GABRA1: variants seen among roughly 807,000 people sequenced by gnomAD.
GABRA1 encodes gamma-aminobutyric acid type A receptor subunit alpha1, also known as gamma-aminobutyric acid receptor subunit alpha-1.
A neutral mutation model predicts 48.9 loss-of-function variants in GABRA1; 9 were observed. That is an observed-to-expected ratio of 0.18 (90% CI 0.11 to 0.32). The LOEUF is 0.32. Among genes scored for constraint, GABRA1 ranks in the 10% least tolerant of loss-of-function variants. The pLI is 1.00. For missense variants in GABRA1, 285 were observed against 553.8 expected (o/e 0.51, Z 4.87); for synonymous variants, 210 against 198.7 (o/e 1.06, Z -0.48).
At chr5:161,888,456 C>G (rs573485842) in intron 7 of GABRA1, among the ~76,000 whole-genome samples, 2 of 152,128 alleles carry the variant, frequency 1.3e-5, no homozygotes, top group Admixed American at 1.3e-4. Flanking sequence ...AATATAATGT[C>G]AAATAATAGC....
At chr5:161,887,297 A>G (rs1236925213) in intron 7 of GABRA1, among the ~76,000 whole-genome samples, 5 of 152,146 alleles carry the variant, frequency 3.3e-5, no homozygotes, top group Non-Finnish European at 1.5e-5. Context: ...CAGAAGGGTC[A>G]AGATAATAAG....
At chr5:161,874,714 A>G (rs559281626) in intron 5 of GABRA1, among the ~76,000 whole-genome samples, 160 of 152,290 alleles carry the variant, frequency 1.1e-3, no homozygotes, top group African/African-American at 3.8e-3. Context: ...TGGTATTCTA[A>G]TCATTTAATG....
At chr5:161,882,936 A>C (rs1754679477) in intron 7 of GABRA1, among the ~76,000 whole-genome samples, 1 of 152,136 alleles carries the variant, frequency 6.6e-6, no homozygotes, top group Admixed American at 6.6e-5. Context: ...AACTGGCTAT[A>C]AGTAATTACT....
At chr5:161,848,841 A>G (rs1000270294) in intron 1 of GABRA1, 1 of 375,028 alleles carries the variant, frequency 2.7e-6, no homozygotes, top group East Asian at 9.2e-5. Flanking sequence ...GCCATCATCT[A>G]AAGTTAAGAC....
chr5:161,879,402 G>A (rs985475858), intron 6 of GABRA1, among the ~76,000 whole-genome samples: 11 of 152,130 alleles, frequency 7.2e-5, no homozygotes, highest in South Asian at 2.1e-4. Flanking sequence ...ATAAGCCACC[G>A]TGCCCAGCCA....
intron 3 of GABRA1, among the ~76,000 whole-genome samples, chr5:161,864,246 G>T (rs1031209863): frequency 6.6e-6 from 1 of 151,692 alleles, no homozygotes; most frequent in Non-Finnish European, 1.5e-5. Flanking sequence ...GTACATGTGC[G>T]CATTGTGCAG....
At chr5:161,890,451 A>G (rs948397049) in intron 7 of GABRA1, among the ~76,000 whole-genome samples, 1 of 152,200 alleles carries the variant, frequency 6.6e-6, no homozygotes, top group Middle Eastern at 3.4e-3. Flanking sequence ...CTAAAATTAA[A>G]CTGTCCTGAT....
chr5:161,865,530 A>G (rs954677997), intron 3 of GABRA1, among the ~76,000 whole-genome samples, 191 bp from the exon 4 acceptor site: 1 of 152,144 alleles, frequency 6.6e-6, no homozygotes, highest in African/African-American at 2.4e-5. Context: ...TTTAGGCTTC[A>G]TTCTCCATAG....
At chr5:161,882,239 G>A (rs1476920478) in intron 6 of GABRA1, 2 of 382,024 alleles carry the variant, frequency 5.2e-6, no homozygotes, top group Non-Finnish European at 4.9e-6. Flanking sequence ...TTGCTTATAT[G>A]TTTTTGTCCC....
At chr5:161,870,460 G>A (rs1229721147) in intron 4 of GABRA1, among the ~76,000 whole-genome samples, 1 of 151,754 alleles carries the variant, frequency 6.6e-6, no homozygotes, top group African/African-American at 2.4e-5. Flanking sequence ...TACTCGGGAG[G>A]CTGAGACTGA....
chr5:161,885,290 G>T (rs904782743), intron 7 of GABRA1, among the ~76,000 whole-genome samples: 2 of 152,014 alleles, frequency 1.3e-5, no homozygotes, highest in Admixed American at 6.6e-5. Flanking sequence ...TTTGTGTAAG[G>T]TCTGCAATGC....
chr5:161,892,344 A>G (rs1024791289), intron 8 of GABRA1, among the ~76,000 whole-genome samples: 2 of 152,212 alleles, frequency 1.3e-5, no homozygotes, highest in Non-Finnish European at 2.9e-5. Context: ...ATCATTTTTC[A>G]ATAATATGTA....
chr5:161,875,325 A>G (rs1754299415), intron 5 of GABRA1, among the ~76,000 whole-genome samples: 1 of 152,200 alleles, frequency 6.6e-6, no homozygotes, highest in African/African-American at 2.4e-5. Context: ...AGGCTTGCCC[A>G]TTGTACAATA....
Position 161,882,718 on chromosome 5 carries a change from T to C in GABRA1, c.703+17T>C. The C allele has an allele frequency of 6.2e-7, 1 of 1,609,288 alleles. No homozygotes were observed. Among genetic ancestry groups the C allele is most frequent in the Non-Finnish European group, 8.5e-7 (1 of 1,175,868 alleles). On this transcript the variant is annotated intron_variant, in intron 7 of 9. Transcript: ENST00000393943. ...CAAGTACAGGTAAGTACGATTTTGT[T>C]ACTTCAGTTATGGAGGAAGAAGAAG...
At chr5:161,890,509 T>C (rs1755040810) in intron 7 of GABRA1, among the ~76,000 whole-genome samples, 1 of 152,064 alleles carries the variant, frequency 6.6e-6, no homozygotes, top group South Asian at 2.1e-4. Flanking sequence ...TGCTCTGTAA[T>C]GGACACACTG....
Position 161,875,711 on chromosome 5 carries a change from GAGA to G in GABRA1, c.559+71_559+73del, listed in dbSNP as rs1007633192. The G allele has an allele frequency of 2.9e-5, 34 of 1,161,162 alleles. No homozygotes were observed. In the African/African-American group the frequency reaches 4.7e-4, roughly 16 times the overall value. 71.9% of individuals were successfully genotyped at this position (1,161,162 alleles called of 1,614,324 possible). On this transcript the variant is annotated intron_variant, in intron 6 of 9. Transcript: ENST00000393943. ...GCAAGAGATCTCTAGCTATATCTGTGAGAAAAACGCGTAGATAAGGGAATCAAG... is the reference window on the plus strand; with the variant it reads ...GCAAGAGATCTCTAGCTATATCTGTGAAAACGCGTAGATAAGGGAATCAAG...
At chr5:161,883,587 T>A (rs922147327) in intron 7 of GABRA1, among the ~76,000 whole-genome samples, 44 of 152,102 alleles carry the variant, frequency 2.9e-4, no homozygotes, top group African/African-American at 9.7e-4. Flanking sequence ...TTAACGAGGG[T>A]CAAGAATTAT....
chr5:161,881,869 C>T (rs1754626834), intron 6 of GABRA1: 1 of 145,242 alleles, frequency 6.9e-6, no homozygotes, highest in African/African-American at 2.6e-5. Context: ...GCACTCCAGC[C>T]TGGGTGACAA....
chr5:161,850,881 G>A lies in GABRA1; in HGVS notation c.71G>A (p.Arg24Lys). ...CTCCTTCTGAGCACACTGACTGGAAGAAGGTGGGGACACTTTTTTAAAAAT... is the reference window on the plus strand; with the variant it reads ...CTCCTTCTGAGCACACTGACTGGAAAAAGGTGGGGACACTTTTTTAAAAAT... ...WILLLSTLTG[R>K]SYGQPSLQDE... Residue 24 changes from arginine to lysine, a missense_variant, in exon 2 of 10, where the codon AGA becomes AAA. This residue lies in a region of GABRA1 where 45 missense variants were observed against 39.9 expected (regional missense o/e 1.13). Transcript: ENST00000393943. 6.2e-7 allele frequency: 1 copy of A among 1,613,140 alleles called. No homozygotes were observed. Among genetic ancestry groups the A allele is most frequent in the South Asian group, 1.1e-5 (1 of 91,064 alleles).
Sources: allele counts gnomAD v4.1 joint callset (sites outside exome capture counted in the v4.1 genomes callset), GRCh38; gene constraint gnomAD v4.1.1; regional missense constraint gnomAD v4.1.1; transcripts MANE v1.5; gene names NCBI Gene and HGNC (gene_info 2026-07-23, HGNC 2026-07-21).